The following PLD5 variants were observed in gnomAD, a reference collection of about 807,000 sequenced individuals.
PLD5 encodes the protein inactive phospholipase D5.
Under a neutral mutation model 61.1 loss-of-function variants are expected in PLD5, and 36 were observed. That is an observed-to-expected ratio of 0.59 (90% CI 0.45 to 0.78). The LOEUF is 0.78. Among genes scored for constraint, PLD5 ranks in the 30% least tolerant of loss-of-function variants. The pLI, the probability that PLD5 is intolerant of heterozygous loss-of-function variation, is 0.00. For synonymous variants in PLD5, 243 were observed against 242.8 expected, an observed-to-expected ratio of 1.00 and a Z score of -0.01; for missense variants, 515 against 644.4, an observed-to-expected ratio of 0.80 and a Z score of 2.17.
intron 1 of PLD5, among the ~76,000 whole-genome samples, chr1:242,442,509 G>C (rs1352923836): frequency 6.6e-6 from 1 of 152,206 alleles, no homozygotes; most frequent in African/African-American, 2.4e-5. Context: ...AGCAGATCTT[G>C]ATTAGGAATT....
At chr1:242,438,296 C>T (rs2102901947) in intron 1 of PLD5, among the ~76,000 whole-genome samples, 2 of 149,284 alleles carry the variant, frequency 1.3e-5, no homozygotes, top group African/African-American at 2.5e-5. Flanking sequence ...TGGAGTCTCT[C>T]TCTGTTGCCC....
intron 1 of PLD5, among the ~76,000 whole-genome samples, chr1:242,349,413 A>G (rs1660348206): frequency 6.6e-6 from 1 of 152,186 alleles, no homozygotes; most frequent in African/African-American, 2.4e-5. Flanking sequence ...GGCCTGAACT[A>G]GTTTTTCAGG....
At position 242,115,447 on chromosome 1, in the gene PLD5, G is replaced by A. The variant is rs78624901; in HGVS notation, c.934-1421C>T. On this transcript the variant is annotated intron_variant, in intron 6 of 9. Transcript: ENST00000536534. ...ATCTTCTGTTTTACTTTTTACTTAGGAGAGAATTCTTGCTTTCAGTGTACA... is the reference window on the plus strand; with the variant it reads ...ATCTTCTGTTTTACTTTTTACTTAGAAGAGAATTCTTGCTTTCAGTGTACA... Among the ~76,000 whole-genome samples, 1,457 of 152,042 alleles carry A rather than the reference G, an allele frequency of 9.6e-3. 28 individuals are homozygous for A. Among genetic ancestry groups the A allele is most frequent in the African/African-American group, 0.033 (1,384 of 41,434 alleles).
intron 1 of PLD5, among the ~76,000 whole-genome samples, chr1:242,512,495 T>A (rs2103002886): frequency 6.6e-6 from 1 of 151,872 alleles, no homozygotes; most frequent in South Asian, 2.1e-4. Flanking sequence ...TCTGATCAAG[T>A]GCACTCAGCC....
At chr1:242,323,866 C>T (rs1449771035) in intron 2 of PLD5, among the ~76,000 whole-genome samples, 1 of 151,960 alleles carries the variant, frequency 6.6e-6, no homozygotes, top group East Asian at 1.9e-4. Flanking sequence ...ATGATTATGG[C>T]AGGCAAGGAA....
chr1:242,163,137 C>CTTTTT (rs1558291019), intron 5 of PLD5, among the ~76,000 whole-genome samples: 3 of 130,600 alleles, frequency 2.3e-5, no homozygotes, highest in South Asian at 2.5e-4. Flanking sequence ...CTTTTATTTT[C>CTTTTT]TTTTCTTTTC....
Position 242,365,747 on chromosome 1 carries a change from C to A in PLD5, c.190-17505G>T. ...CACCTGACTGTCAACTTCCTGGTGT[C>A]ATTACTCAAGAAAAATTGGCAGAAT... On this transcript the variant is annotated intron_variant, in intron 1 of 9. Coordinates refer to ENST00000536534, the MANE Select transcript of PLD5 (RefSeq NM_001372062.1). The A allele has an allele frequency of 2.4e-5, 5 of 210,952 alleles. No homozygotes were observed. The South Asian group carries it at 3.5e-4, about 15-fold the overall frequency. The allele number at this position is 210,952 out of a possible 1,614,324, so 13.1% of individuals were successfully genotyped here. A position where few individuals can be genotyped will look rare whatever the true frequency, so the allele number is the denominator to read the frequency against.
chr1:242,450,768 C>T (rs1666746434), intron 1 of PLD5, among the ~76,000 whole-genome samples: 1 of 152,090 alleles, frequency 6.6e-6, no homozygotes, highest in East Asian at 1.9e-4. Flanking sequence ...ATTTTCACAC[C>T]CTCTGGAAAA....
rs892598448 is a variant in PLD5, at chr1:242,087,432, C to G, written c.*2422G>C. 6.6e-6 allele frequency: 1 copy of G among 152,078 alleles called. No homozygotes were observed. Among genetic ancestry groups the G allele is most frequent in the Admixed American group, 6.6e-5 (1 of 15,266 alleles). 9.4% of individuals were successfully genotyped at this position (152,078 alleles called of 1,614,324 possible). A position where few individuals can be genotyped will look rare whatever the true frequency, so the allele number is the denominator to read the frequency against. ...CCATGACACCAAGCCTATGAGTGTC[C>G]CATGGCTGTGGATGAATACTTCAGG... On this transcript the variant is annotated 3_prime_UTR_variant, in exon 10 of 10. Transcript: ENST00000536534.
intron 1 of PLD5, among the ~76,000 whole-genome samples, chr1:242,501,043 T>C (rs1668538956): frequency 6.6e-6 from 1 of 152,210 alleles, no homozygotes; most frequent in African/African-American, 2.4e-5. Flanking sequence ...GTGTCAGTCC[T>C]CTACATGGAA....
intron 5 of PLD5, among the ~76,000 whole-genome samples, chr1:242,212,390 A>T (rs1669884706): frequency 1.3e-5 from 2 of 152,242 alleles, no homozygotes; most frequent in Admixed American, 1.3e-4. Context: ...ACGAAAAAAC[A>T]TTAAAGACCA....
intron 2 of PLD5, among the ~76,000 whole-genome samples, chr1:242,313,330 A>T (rs540444166): frequency 2.0e-5 from 3 of 152,288 alleles, no homozygotes; most frequent in Admixed American, 2.0e-4. Context: ...GCTATTGTGT[A>T]TCTCTCATCC....
At chr1:242,330,886 A>G (rs1659126662) in intron 2 of PLD5, among the ~76,000 whole-genome samples, 1 of 152,188 alleles carries the variant, frequency 6.6e-6, no homozygotes, top group African/African-American at 2.4e-5. Context: ...GGGAAATATA[A>G]ACAAAGAAAA....
chr1:242,166,439 C>T (rs1666307823), intron 5 of PLD5, among the ~76,000 whole-genome samples: 1 of 151,990 alleles, frequency 6.6e-6, no homozygotes, highest in African/African-American at 2.4e-5. Flanking sequence ...CAAAACAACA[C>T]TTGCCTCTAT....
At chr1:242,137,367 A>T (rs970567371) in intron 5 of PLD5, among the ~76,000 whole-genome samples, 1 of 152,030 alleles carries the variant, frequency 6.6e-6, no homozygotes, top group Non-Finnish European at 1.5e-5. Context: ...ATACTTTCCT[A>T]CTTTCTCTAA....
chr1:242,393,207 AATATATATATATATATGAGT>A (rs1663040136), intron 1 of PLD5, among the ~76,000 whole-genome samples: 1 of 87,498 alleles, frequency 1.1e-5, no homozygotes, highest in South Asian at 3.6e-4. Flanking sequence ...GTCTCAAAAA[AATATATATATATATATGAGT>A]ATATATATGT....
intron 3 of PLD5, among the ~76,000 whole-genome samples, chr1:242,266,517 A>T (rs1455893803): frequency 6.6e-6 from 1 of 152,226 alleles, no homozygotes; most frequent in African/African-American, 2.4e-5. Context: ...AGATTGCACC[A>T]TTATCCTATT....
At chr1:242,503,082 C>A (rs1572257360) in intron 1 of PLD5, among the ~76,000 whole-genome samples, 1 of 151,992 alleles carries the variant, frequency 6.6e-6, no homozygotes, top group Non-Finnish European at 1.5e-5. Context: ...AAAACAGAGT[C>A]CTGCGGAGGT....
chr1:242,247,906 T>C (rs962143021), intron 4 of PLD5, among the ~76,000 whole-genome samples: 3 of 152,188 alleles, frequency 2.0e-5, no homozygotes, highest in African/African-American at 4.8e-5. Context: ...CTGAAGGCAA[T>C]AGGCCTGCAG....
Sources: gnomAD v4.1 joint callset for allele counts (sites outside exome capture counted in the v4.1 genomes callset) on GRCh38, gnomAD v4.1.1 for gene constraint, MANE v1.5 for transcripts, NCBI Gene and HGNC (gene_info 2026-07-23, HGNC 2026-07-21) for gene names.